NBEA: variants seen among roughly 807,000 people sequenced by gnomAD.
NBEA encodes the protein lysosomal-trafficking regulator 2.
NBEA carries 44 observed loss-of-function variants against 343.4 expected under a neutral mutation model. The ratio of observed to expected loss-of-function variants is 0.13; its 90% confidence interval spans 0.10 to 0.16. The LOEUF (loss-of-function observed/expected upper bound fraction) is 0.16. NBEA is among the 10% of genes least tolerant of loss of function. The pLI is 1.00. For synonymous variants in NBEA, 1,175 were observed against 1,238.7 expected (o/e 0.95, Z 1.08); for missense variants, 2,555 against 3,631.3 (o/e 0.70, Z 7.62).
At chr13:35,293,296 A>C (rs1013076787) in intron 35 of NBEA, among the ~76,000 whole-genome samples, 2 of 152,056 alleles carry the variant, frequency 1.3e-5, no homozygotes, top group Non-Finnish European at 2.9e-5. Flanking sequence ...TCTTAAGAAG[A>C]AGCTGTTAAT....
At chr13:35,425,777 A>G (rs1301482963) in intron 38 of NBEA, among the ~76,000 whole-genome samples, 1 of 152,052 alleles carries the variant, frequency 6.6e-6, no homozygotes. Flanking sequence ...ATTGTGTGGG[A>G]GTCTGAGTCT....
At chr13:35,014,373 A>G (rs1466094828) in intron 1 of NBEA, among the ~76,000 whole-genome samples, 1 of 152,114 alleles carries the variant, frequency 6.6e-6, no homozygotes, top group Non-Finnish European at 1.5e-5. Flanking sequence ...CAGATTCTAA[A>G]TTCATTATGT....
chr13:35,166,197 CAGTTTAGCAATA>C (rs1465981744), intron 24 of NBEA, among the ~76,000 whole-genome samples: 1 of 151,832 alleles, frequency 6.6e-6, no homozygotes, highest in Non-Finnish European at 1.5e-5. Flanking sequence ...GTAAAAAAAA[CAGTTTAGCAATA>C]AGTTATTTCA....
At chr13:35,654,733 C>A in intron 53 of NBEA, 122 bp from the exon 54 acceptor site, 1 of 701,064 alleles carries the variant, frequency 1.4e-6, no homozygotes, top group Non-Finnish European at 2.2e-6. Context: ...TTAATAATCT[C>A]ATACCATTAA....
At chr13:35,523,810 T>G (rs777940040) in intron 41 of NBEA, among the ~76,000 whole-genome samples, 5 of 152,224 alleles carry the variant, frequency 3.3e-5, no homozygotes, top group African/African-American at 7.2e-5. Flanking sequence ...TTTAGACTTC[T>G]TAAATTTTCA....
intron 1 of NBEA, among the ~76,000 whole-genome samples, chr13:34,998,047 A>G (rs1289394776): frequency 6.6e-6 from 1 of 151,988 alleles, no homozygotes; most frequent in South Asian, 2.1e-4. Context: ...GTTCTTTTCT[A>G]TTTTCTGTAA....
At chr13:35,087,675 C>A (rs530070547) in intron 10 of NBEA, among the ~76,000 whole-genome samples, 1 of 151,888 alleles carries the variant, frequency 6.6e-6, no homozygotes, top group South Asian at 2.1e-4. Context: ...TGGCATCTAT[C>A]AACATTACAG....
intron 1 of NBEA, among the ~76,000 whole-genome samples, chr13:35,036,513 C>G (rs1396744398): frequency 1.3e-5 from 2 of 151,980 alleles, no homozygotes; most frequent in Non-Finnish European, 2.9e-5. Flanking sequence ...TTCAGGTGAT[C>G]ATTTATTGCT....
chr13:35,017,563 T>C (rs1341295675), intron 1 of NBEA, among the ~76,000 whole-genome samples: 3 of 152,226 alleles, frequency 2.0e-5, no homozygotes, highest in South Asian at 4.1e-4. Flanking sequence ...GAATGCCTTA[T>C]GATATTAAGT....
At chr13:35,355,022 G>T (rs1389366099) in intron 38 of NBEA, among the ~76,000 whole-genome samples, 1 of 151,994 alleles carries the variant, frequency 6.6e-6, no homozygotes, top group Non-Finnish European at 1.5e-5. Context: ...TACTGTTTCT[G>T]AGGCCATAAA....
At position 35,666,290 on chromosome 13, in the gene NBEA, C is replaced by T. The variant is rs544131341; in HGVS notation, c.8465-1084C>T. 4.0e-5 allele frequency among the ~76,000 whole-genome samples: 6 copies of T among 151,714 alleles called. No individual in the cohort carries two copies. In the South Asian group the frequency reaches 1.0e-3, roughly 26 times the overall value. On this transcript the variant is annotated intron_variant, in intron 56 of 58. Coordinates refer to ENST00000379939, the MANE Select transcript of NBEA (RefSeq NM_001385012.1). The stretch of plus-strand genomic sequence containing the variant: ...ATGGATAGAGTCTGAAGGCTGGCAC[C>T]ATGTTTTTAAAATTTTGGTATCTAA...
intron 38 of NBEA, among the ~76,000 whole-genome samples, chr13:35,383,666 A>G (rs148674146): frequency 1.8e-4 from 28 of 152,244 alleles, no homozygotes; most frequent in African/African-American, 6.3e-4. Flanking sequence ...AACAGTCACT[A>G]CACAGGATCT....
intron 53 of NBEA, among the ~76,000 whole-genome samples, chr13:35,652,851 C>G (rs899001362): frequency 1.3e-5 from 2 of 150,830 alleles, no homozygotes; most frequent in African/African-American, 4.9e-5. Context: ...CCCGCCACCG[C>G]GCCCGGCTAA....
In NBEA at chr13:35,529,769, A is replaced by G. The variant is rs546189796; in HGVS notation, c.6586-20708A>G. On this transcript the variant is annotated intron_variant, in intron 41 of 58. Coordinates refer to ENST00000379939, the MANE Select transcript of NBEA (RefSeq NM_001385012.1). Reference sequence around the variant, plus strand: ...AGCTGTCATGTCCTCAGTGGGTTGTATTTATTTATAATGGTACATTTTTCC... The same window carrying G: ...AGCTGTCATGTCCTCAGTGGGTTGTGTTTATTTATAATGGTACATTTTTCC... Among the ~76,000 whole-genome samples, 29 of 152,212 alleles carry G rather than the reference A, an allele frequency of 1.9e-4. No individual in the cohort carries two copies. The South Asian group carries it at 5.8e-3, about 30-fold the overall frequency.
chr13:35,384,556 C>T (rs1594432368), intron 38 of NBEA, among the ~76,000 whole-genome samples: 3 of 138,628 alleles, frequency 2.2e-5, no homozygotes, highest in Admixed American at 1.5e-4. Context: ...GAGGGAGTCT[C>T]GCTCTGTCAT....
At chr13:35,618,442 G>A (rs1196438603) in intron 48 of NBEA, among the ~76,000 whole-genome samples, 1 of 152,110 alleles carries the variant, frequency 6.6e-6, no homozygotes, top group African/African-American at 2.4e-5. Context: ...AAATGAAGCA[G>A]TACTTTGTTG....
intron 34 of NBEA, among the ~76,000 whole-genome samples, chr13:35,285,153 G>A (rs1212702999): frequency 6.6e-6 from 1 of 152,082 alleles, no homozygotes; most frequent in Non-Finnish European, 1.5e-5. Flanking sequence ...GAATAGGCTG[G>A]ACCTGGTGGC....
chr13:35,039,746 C>T (rs542279232), intron 1 of NBEA, among the ~76,000 whole-genome samples: 1 of 152,224 alleles, frequency 6.6e-6, no homozygotes, highest in South Asian at 2.1e-4. Flanking sequence ...TTTGTGAATA[C>T]CTTTCAGTGA....
intron 23 of NBEA, among the ~76,000 whole-genome samples, chr13:35,162,317 A>G (rs1035903927): frequency 2.0e-5 from 3 of 152,222 alleles, no homozygotes; most frequent in African/African-American, 7.2e-5. Context: ...AAACAAATTA[A>G]TTAAGAGAGC....
Sources: allele counts gnomAD v4.1 joint callset (sites outside exome capture counted in the v4.1 genomes callset), GRCh38; gene constraint gnomAD v4.1.1; transcripts MANE v1.5; gene names NCBI Gene and HGNC (gene_info 2026-07-23, HGNC 2026-07-21).